Variants in PHF20 observed in about 807,000 individuals in gnomAD.
PHF20 encodes the protein glioma-expressed antigen 2.
Under a neutral mutation model 113.5 loss-of-function variants are expected in PHF20, and 23 were observed. That is an observed-to-expected ratio of 0.20 (90% CI 0.15 to 0.29). The LOEUF (loss-of-function observed/expected upper bound fraction) is 0.29. Ranked by LOEUF, PHF20 falls within the 10% of genes least tolerant of loss-of-function variation. The pLI, the probability that PHF20 is intolerant of heterozygous loss-of-function variation, is 1.00. For missense variants in PHF20, 943 were observed against 1,219.6 expected (o/e 0.77, Z 3.38); for synonymous variants, 434 against 457.3 (o/e 0.95, Z 0.65).
intron 4 of PHF20, chr20:35,856,265 T>C (rs540100453): frequency 2.2e-4 from 34 of 152,306 alleles, no homozygotes; most frequent in African/African-American, 7.9e-4. Flanking sequence ...CTGTGACAAA[T>C]AATCACCTTT....
chr20:35,852,483 C>T (rs916252261), intron 4 of PHF20, among the ~76,000 whole-genome samples: 4 of 152,070 alleles, frequency 2.6e-5, no homozygotes, highest in Middle Eastern at 3.2e-3. Context: ...GCCACAGAAC[C>T]TAAACCCAAA....
chr20:35,779,356 T>C (rs2041239064), intron 1 of PHF20, among the ~76,000 whole-genome samples: 1 of 151,820 alleles, frequency 6.6e-6, no homozygotes, highest in Non-Finnish European at 1.5e-5. Context: ...TTTTATTCAG[T>C]GATAGTTTAT....
At chr20:35,843,563 C>T (rs150625412) in intron 3 of PHF20, among the ~76,000 whole-genome samples, 105 of 147,220 alleles carry the variant, frequency 7.1e-4, no homozygotes, top group African/African-American at 1.6e-3. Flanking sequence ...CCATGTAGAA[C>T]GTTGTACTAA....
rs140978738 is a variant in PHF20 at position 35,836,104 on chromosome 20, G to T, written c.84-6469G>T. On this transcript the variant is annotated intron_variant, in intron 2 of 17. Transcript: ENST00000374012. Reference sequence around the variant, plus strand: ...GTTCACTGCAGCTTTGAACTCTTTGGCTCAAGTGATCTTCCTGCCTCAGTC... The same window carrying T: ...GTTCACTGCAGCTTTGAACTCTTTGTCTCAAGTGATCTTCCTGCCTCAGTC... Among the ~76,000 whole-genome samples the T allele has an allele frequency of 2.7e-4, 41 of 152,150 alleles. 1 individual carries two copies. The highest frequency in any genetic ancestry group is 9.9e-4 in the African/African-American group (41 of 41,526).
chr20:35,831,640 C>T (rs900546104), intron 2 of PHF20, among the ~76,000 whole-genome samples: 12 of 152,086 alleles, frequency 7.9e-5, no homozygotes, highest in African/African-American at 1.2e-4. Context: ...TTTGTAGAGA[C>T]GGAGTCTTCC....
intron 10 of PHF20, among the ~76,000 whole-genome samples, chr20:35,912,757 G>A (rs533650986): frequency 5.9e-5 from 9 of 152,234 alleles, no homozygotes; most frequent in East Asian, 1.9e-4. Context: ...GCTTGAACCC[G>A]GGAGGCGGAG....
At chr20:35,877,833 CTT>C (rs1301123472) in intron 9 of PHF20, among the ~76,000 whole-genome samples, 1 of 152,200 alleles carries the variant, frequency 6.6e-6, no homozygotes, top group Non-Finnish European at 1.5e-5. Context: ...AAGTGGGACA[CTT>C]TGCCACAGGA....
chr20:35,850,916 C>T (rs904974510), intron 4 of PHF20: 4 of 662,280 alleles, frequency 6.0e-6, no homozygotes, highest in Middle Eastern at 4.7e-4. Context: ...AGGGAAACAT[C>T]GTGAAGGTGA....
intron 2 of PHF20, among the ~76,000 whole-genome samples, chr20:35,824,828 C>T (rs1360287783): frequency 2.0e-5 from 3 of 152,162 alleles, no homozygotes; most frequent in Non-Finnish European, 4.4e-5. Flanking sequence ...TATGCCTGTT[C>T]TGGACATTTC....
intron 13 of PHF20, among the ~76,000 whole-genome samples, chr20:35,919,536 C>T (rs1407472007): frequency 6.6e-6 from 1 of 152,114 alleles, no homozygotes; most frequent in Non-Finnish European, 1.5e-5. Flanking sequence ...GACGGTGTTT[C>T]ACCATATTGG....
chr20:35,772,750 G>A (rs976872212), intron 1 of PHF20, among the ~76,000 whole-genome samples: 11 of 151,740 alleles, frequency 7.2e-5, no homozygotes, highest in African/African-American at 1.7e-4. Flanking sequence ...CTGCATTTCC[G>A]TTCCAATTTA....
intron 9 of PHF20, among the ~76,000 whole-genome samples, chr20:35,879,198 A>G (rs2054582988): frequency 6.6e-6 from 1 of 152,126 alleles, no homozygotes; most frequent in African/African-American, 2.4e-5. Flanking sequence ...CAAAAAGTGC[A>G]TGGACTATAA....
intron 1 of PHF20, among the ~76,000 whole-genome samples, chr20:35,773,032 G>T (rs976271472): frequency 1.4e-4 from 21 of 152,112 alleles, no homozygotes; most frequent in African/African-American, 4.8e-4. Context: ...GCCTTCTCCC[G>T]AGACTGTATT....
intron 7 of PHF20, among the ~76,000 whole-genome samples, chr20:35,870,563 A>G (rs1004326764): frequency 1.3e-5 from 2 of 152,044 alleles, no homozygotes; most frequent in Non-Finnish European, 2.9e-5. Context: ...AAATGTTTAA[A>G]TAAATTTAAA....
At chr20:35,883,555 G>A (rs1011590139) in intron 9 of PHF20, among the ~76,000 whole-genome samples, 2 of 152,114 alleles carry the variant, frequency 1.3e-5, no homozygotes, top group African/African-American at 4.8e-5. Context: ...CCTCCCCACT[G>A]TTCAGCCTCC....
intron 2 of PHF20, among the ~76,000 whole-genome samples, chr20:35,833,949 T>A (rs925717930): frequency 1.5e-4 from 23 of 151,834 alleles, no homozygotes; most frequent in African/African-American, 5.3e-4. Context: ...TCCCAGCTAC[T>A]CTGGAGGCTG....
chr20:35,935,435 C>T (rs372511365), intron 15 of PHF20, among the ~76,000 whole-genome samples: 5 of 152,164 alleles, frequency 3.3e-5, no homozygotes, highest in African/African-American at 4.8e-5. Context: ...GGTATGATCG[C>T]GGCTCACTAC....
At chr20:35,803,684 A>ATGTGTGTGTGTG (rs11472633) in intron 2 of PHF20, among the ~76,000 whole-genome samples, 152 of 144,370 alleles carry the variant, frequency 1.1e-3, no homozygotes, top group African/African-American at 3.6e-3. Flanking sequence ...GTATATATAT[A>ATGTGTGTGTGTG]TGTGTGTGTG....
chr20:35,809,256 A>G (rs2041935954), intron 2 of PHF20, among the ~76,000 whole-genome samples: 1 of 151,518 alleles, frequency 6.6e-6, no homozygotes, highest in South Asian at 2.1e-4. Context: ...TTGGAAGAAA[A>G]AAAAAACAAA....
Sources: gnomAD v4.1 joint callset for allele counts (sites outside exome capture counted in the v4.1 genomes callset) on GRCh38, gnomAD v4.1.1 for gene constraint, MANE v1.5 for transcripts, NCBI Gene and HGNC (gene_info 2026-07-23, HGNC 2026-07-21) for gene names.